The following FAM9C variants were observed in gnomAD, a reference collection of about 807,000 sequenced individuals.
FAM9C encodes the protein protein FAM9C.
A neutral mutation model predicts 14.8 loss-of-function variants in FAM9C; 15 were observed. The ratio of observed to expected loss-of-function variants is 1.02; its 90% CI spans 0.68 to 1.56. FAM9C has a LOEUF of 1.56. FAM9C is among the 40% of genes most tolerant of loss of function. The probability of loss-of-function intolerance (pLI) is 0.00; values close to 1 mark genes in which losing one functional copy is unlikely to be tolerated. For missense variants in FAM9C, 116 were observed against 118.0 expected, an observed-to-expected ratio of 0.98 and a Z score of 0.08; for synonymous variants, 45 against 37.5, an observed-to-expected ratio of 1.20 and a Z score of -0.74.
At chrX:13,042,805 T>A (rs1283820838) in intron 4 of FAM9C, 113 bp downstream of exon 4, 7 of 797,183 alleles carry the variant, frequency 8.8e-6, no homozygotes, top group Non-Finnish European at 1.3e-5. Flanking sequence ...ATGCTATATA[T>A]GAGAAGAAGG....
intron 1 of FAM9C, among the ~76,000 whole-genome samples, chrX:13,044,324 C>CCG (rs1290975676): frequency 2.0e-5 from 2 of 101,874 alleles, no homozygotes; most frequent in Non-Finnish European, 4.1e-5. Context: ...CCCCCCGACC[C>CCG]CCCCCCAAAC....
intron 2 of FAM9C, 46 bp from the exon 3 acceptor site, chrX:13,043,294 G>GT: frequency 8.6e-7 from 1 of 1,161,202 alleles, no homozygotes. Context: ...GGAAGACGCT[G>GT]TTGTGGACAT....
intron 3 of FAM9C, 29 bp downstream of exon 3, chrX:13,043,099 G>C (rs2043541269): frequency 8.4e-7 from 1 of 1,194,054 alleles, no homozygotes; most frequent in African/African-American, 1.8e-5. Flanking sequence ...GACCTTATCT[G>C]ACAGGCAAAA....
chrX:13,040,283 T>C, intron 5 of FAM9C: 1 of 752,030 alleles, frequency 1.3e-6, no homozygotes, highest in Non-Finnish European at 1.6e-6. Context: ...ATTCATCCCG[T>C]AAGATTTCCC....
In FAM9C at chrX:13,040,824, A is replaced by G. The variant is rs775561703; in HGVS notation, c.263T>C (p.Ile88Thr). ...LAAKRKRIEKIAKACSEIKNR... is the reference protein window; with the variant it reads ...LAAKRKRIEKTAKACSEIKNR... ...CTTTATTTCGCTGCAAGCTTTTGCA[A>G]TCTTTTCAATCCTTTTTCTCTTTGC... Residue 88 changes from isoleucine (I) to threonine (T), a missense_variant, in exon 5 of 8, where the codon ATT becomes ACT. Transcript: ENST00000380625. 8.4e-6 allele frequency: 10 copies of G among 1,194,257 alleles called. No homozygotes were observed. The South Asian group carries it at 1.9e-4, about 23-fold the overall frequency.
At position 13,040,834 on chromosome X, in the gene FAM9C, T is replaced by A. The variant is rs2043519728; in HGVS notation, c.253A>T (p.Ile85Phe). The change falls in exon 5 of 8, where the codon ATT becomes TTT. Residue 85 changes from isoleucine to phenylalanine, a missense_variant. By Grantham distance (21) the Ile-to-Phe change is conservative. Transcript: ENST00000380625. ...CTGCAAGCTTTTGCAATCTTTTCAA[T>A]CCTTTTTCTCTTTGCAGCAAGATGC... The part of the protein sequence containing the change: ...KEHLAAKRKR[I>F]EKIAKACSEI... 8.4e-7 allele frequency: 1 copy of A among 1,192,104 alleles called. No homozygotes were observed. Among genetic ancestry groups the A allele is most frequent in the South Asian group, 1.9e-5 (1 of 52,224 alleles).
At chrX:13,037,762 G>A (rs1227551302) in intron 7 of FAM9C, 2 of 113,001 alleles carry the variant, frequency 1.8e-5, no homozygotes, top group Non-Finnish European at 3.8e-5. Flanking sequence ...TTGCTAATGT[G>A]CTGTACGACA....
intron 1 of FAM9C, among the ~76,000 whole-genome samples, chrX:13,044,328 C>CCA (rs1458666744): frequency 9.7e-6 from 1 of 102,909 alleles, no homozygotes; most frequent in African/African-American, 3.5e-5. Flanking sequence ...CCGACCCCCC[C>CCA]CCAAACGCTG....
chrX:13,043,732 C>A lies in FAM9C; in HGVS notation c.58G>T (p.Ala20Ser), dbSNP rs1329143824. 1 of 1,210,915 alleles carries A rather than the reference C, an allele frequency of 8.3e-7. No individual in the cohort carries two copies. Among genetic ancestry groups the A allele is most frequent in the Non-Finnish European group, 1.1e-6 (1 of 895,297 alleles). The part of the protein sequence containing the change: ...QVMAAQEMEL[A>S]GKDPVSHEHE... ...GGTCCCCTTGGGCTGTGTTTACCTG[C>A]AAGCTCCATTTCCTGGGCGGCCATA... Residue 20 changes from alanine (A) to serine (S), a missense_variant, in exon 2 of 8, where the codon GCA (alanine) becomes TCA (serine). Transcript: ENST00000380625.
At chrX:13,038,616 GACA>G (rs1026521377) in intron 6 of FAM9C, 113 bp from the exon 7 acceptor site, 48 of 652,028 alleles carry the variant, frequency 7.4e-5, no homozygotes, top group Non-Finnish European at 1.0e-4. Context: ...CTTTCTTTTA[GACA>G]ACGTTTATGA....
chrX:13,044,321 A>ACCCCCCCCCCCCCCCCCCCCCCCC (rs748879259), intron 1 of FAM9C, among the ~76,000 whole-genome samples: 1 of 76,846 alleles, frequency 1.3e-5, no homozygotes, highest in Non-Finnish European at 2.5e-5. Flanking sequence ...TGACCCCCCG[A>ACCCCCCCCCCCCCCCCCCCCCCCC]CCCCCCCCCA....
chrX:13,038,351 GTCT>G, intron 7 of FAM9C, 62 bp downstream of exon 7: 2 of 881,833 alleles, frequency 2.3e-6, no homozygotes, highest in South Asian at 6.4e-5. Flanking sequence ...CAAGCAGATT[GTCT>G]TCTATTTTTA....
At chrX:13,043,104 G>A in intron 3 of FAM9C, 24 bp downstream of exon 3, 1 of 1,197,477 alleles carries the variant, frequency 8.4e-7, no homozygotes, top group Non-Finnish European at 1.1e-6. Context: ...TATCTGACAG[G>A]CAAAAGGGAC....
intron 1 of FAM9C, among the ~76,000 whole-genome samples, chrX:13,044,115 C>T (rs770886866): frequency 1.8e-5 from 2 of 112,146 alleles, no homozygotes; most frequent in Non-Finnish European, 3.8e-5. Flanking sequence ...CCCTGGGTTC[C>T]CCAGCGACCC....
At chrX:13,037,641 T>C in intron 7 of FAM9C, 1 of 112,864 alleles carries the variant, frequency 8.9e-6, no homozygotes, top group Non-Finnish European at 1.9e-5. Flanking sequence ...CATATGAACA[T>C]GTCTTTCCAC....
intron 5 of FAM9C, chrX:13,040,234 A>G: frequency 1.5e-6 from 1 of 650,785 alleles, no homozygotes; most frequent in Non-Finnish European, 1.8e-6. Flanking sequence ...ACTAAATAAC[A>G]TATGCGTTCT....
intron 6 of FAM9C, among the ~76,000 whole-genome samples, chrX:13,039,109 C>T (rs941065443): frequency 2.7e-5 from 3 of 111,549 alleles, no homozygotes; most frequent in African/African-American, 9.8e-5. Flanking sequence ...ACACAGGAAC[C>T]CTTTAATCCT....
At position 13,039,852 on chromosome X, in the gene FAM9C, C is replaced by T. The variant is rs778208852; in HGVS notation, c.394G>A (p.Glu132Lys). Residue 132 changes from glutamate (E) to lysine (K), a missense_variant, in exon 6 of 8, where the codon GAG (glutamate) becomes AAG (lysine). By Grantham distance (56) the Glu-to-Lys change is moderately conservative. Coordinates refer to ENST00000380625, the MANE Select transcript of FAM9C (RefSeq NM_174901.6). ...PNVLEEFITDEQKDEEGDGEK... is the reference protein window; with the variant it reads ...PNVLEEFITDKQKDEEGDGEK... ...CCATCTCCTTCCTCATCTTTCTGCT[C>T]ATCTGTGATGAACTCTTCAAGGACA... is the stretch of plus-strand genomic sequence containing the variant. The T allele has an allele frequency of 2.2e-5, 27 of 1,207,801 alleles. No homozygotes were observed. The East Asian group carries it at 6.8e-4, about 31-fold the overall frequency.
chrX:13,040,727 T>C, intron 5 of FAM9C, 31 bp downstream of exon 5: 2 of 968,560 alleles, frequency 2.1e-6, no homozygotes, highest in Admixed American at 3.0e-5. Flanking sequence ...ATGATATAAA[T>C]ATCATTATTC....
Sources: gnomAD v4.1 joint callset for allele counts (sites outside exome capture counted in the v4.1 genomes callset) on GRCh38, gnomAD v4.1.1 for gene constraint, MANE v1.5 for transcripts, NCBI Gene and HGNC (gene_info 2026-07-23, HGNC 2026-07-21) for gene names.